AMBRA1: variants seen among roughly 807,000 people sequenced by gnomAD.
AMBRA1 encodes the protein autophagy and beclin 1 regulator 1.
In AMBRA1, 47 loss-of-function variants were observed where a neutral mutation model predicts 125.4. The observed-to-expected ratio is 0.37, with a 90% CI of 0.30 to 0.48. AMBRA1 has a LOEUF of 0.48. Ranked by LOEUF, AMBRA1 falls within the 20% of genes least tolerant of loss-of-function variation. The probability of loss-of-function intolerance (pLI) is 0.99; values close to 1 mark genes in which losing one functional copy is unlikely to be tolerated. For missense variants in AMBRA1, 1,331 were observed against 1,693.4 expected, an observed-to-expected ratio of 0.79 and a Z score of 3.76; for synonymous variants, 626 against 655.5, an observed-to-expected ratio of 0.95 and a Z score of 0.69.
intron 1 of AMBRA1, among the ~76,000 whole-genome samples, chr11:46,583,652 C>CAAAA (rs1398623719): frequency 7.2e-4 from 9 of 12,560 alleles, no homozygotes; most frequent in South Asian, 8.1e-3. Context: ...AACAAATTTC[C>CAAAA]AAAAAAAAAA....
chr11:46,447,512 G>C (rs1433449537), intron 11 of AMBRA1, among the ~76,000 whole-genome samples: 5 of 152,066 alleles, frequency 3.3e-5, no homozygotes, highest in Non-Finnish European at 7.4e-5. Flanking sequence ...TGCAGCCTGG[G>C]CAACAGAGCA....
intron 14 of AMBRA1, among the ~76,000 whole-genome samples, chr11:46,431,593 A>G (rs1401046102): frequency 6.6e-6 from 1 of 152,210 alleles, no homozygotes; most frequent in African/African-American, 2.4e-5. Context: ...CTGGCTTATG[A>G]AAGAAGCTAG....
intron 1 of AMBRA1, among the ~76,000 whole-genome samples, chr11:46,549,353 G>A (rs1008420050): frequency 6.6e-6 from 1 of 152,086 alleles, no homozygotes; most frequent in Non-Finnish European, 1.5e-5. Flanking sequence ...AAAAATATAG[G>A]AAAGTTGAAA....
At chr11:46,569,927 C>T (rs1265017492) in intron 1 of AMBRA1, among the ~76,000 whole-genome samples, 1 of 152,088 alleles carries the variant, frequency 6.6e-6, no homozygotes, top group Non-Finnish European at 1.5e-5. Flanking sequence ...CACCACTGCA[C>T]TCCAGCCTGG....
intron 6 of AMBRA1, 55 bp downstream of exon 6, chr11:46,543,920 A>T: frequency 7.4e-7 from 1 of 1,343,548 alleles, no homozygotes; most frequent in Non-Finnish European, 1.1e-6. Flanking sequence ...TTGGAATACT[A>T]GTTAAGAAAA....
chr11:46,454,136 T>A (rs1257825526), intron 11 of AMBRA1, among the ~76,000 whole-genome samples: 1 of 152,074 alleles, frequency 6.6e-6, no homozygotes, highest in East Asian at 1.9e-4. Context: ...ACAAGAAAAG[T>A]AGCAAGGCCT....
intron 11 of AMBRA1, among the ~76,000 whole-genome samples, chr11:46,490,737 C>T (rs1950430989): frequency 6.6e-6 from 1 of 152,158 alleles, no homozygotes; most frequent in Non-Finnish European, 1.5e-5. Context: ...TGGAGTAAGA[C>T]TGAGTCATGG....
In AMBRA1 at chr11:46,544,033, C is replaced by T; in HGVS notation, c.560G>A (p.Arg187Lys). Residue 187 changes from arginine (R) to lysine (K), a missense_variant, in exon 6 of 18, where the codon AGA becomes AAA. By Grantham distance (26) the Arg-to-Lys change is conservative. This residue lies in a region of AMBRA1 where 144 missense variants were observed against 250.4 expected (regional missense o/e 0.58). Coordinates refer to ENST00000683756, the MANE Select transcript of AMBRA1 (RefSeq NM_001387011.1). ...ASEMERVRLV[R>K]FDPLGHYLLT... Reference sequence around the variant, plus strand: ...TAAGTAGTGTCCAAGTGGATCAAATCTCACCAGACTAAAATCACAGAAGAA... The same window carrying T: ...TAAGTAGTGTCCAAGTGGATCAAATTTCACCAGACTAAAATCACAGAAGAA... The T allele has an allele frequency of 6.2e-7, 1 of 1,613,648 alleles. No individual in the cohort carries two copies. The highest frequency in any genetic ancestry group is 8.5e-7 in the Non-Finnish European group (1 of 1,179,690).
At chr11:46,400,639 C>T (rs1371757398) in intron 17 of AMBRA1, among the ~76,000 whole-genome samples, 1 of 151,646 alleles carries the variant, frequency 6.6e-6, no homozygotes, top group Non-Finnish European at 1.5e-5. Flanking sequence ...TACAGGCAAG[C>T]ACCACTCCTG....
intron 7 of AMBRA1, among the ~76,000 whole-genome samples, chr11:46,529,574 C>T (rs951767291): frequency 3.3e-5 from 5 of 152,170 alleles, no homozygotes; most frequent in Non-Finnish European, 7.3e-5. Flanking sequence ...TGGCCAAGTA[C>T]ACAAAATTGG....
At chr11:46,462,455 T>C (rs1949139644) in intron 11 of AMBRA1, among the ~76,000 whole-genome samples, 1 of 152,226 alleles carries the variant, frequency 6.6e-6, no homozygotes, top group Non-Finnish European at 1.5e-5. Context: ...TTTTTGATTG[T>C]CACTTACCTG....
In AMBRA1 at chr11:46,434,886, G is replaced by A. The variant is rs1313369060; in HGVS notation, c.2784C>T (p.Pro928=). ...EGILAVYSLA[P]HNLGEMLYTK... ...TGTAGAGCATTTCGCCCAGGTTATG[G>A]GGGGCCAGGGAGTACACTGCCAGGA... Residue 928 remains proline (P), a synonymous_variant, in exon 13 of 18, where the codon CCC becomes CCT. Transcript: ENST00000683756. 5.0e-6 allele frequency: 8 copies of A among 1,612,494 alleles called. No homozygotes were observed. In the Admixed American group the frequency reaches 1.0e-4, roughly 20 times the overall value.
intron 14 of AMBRA1, among the ~76,000 whole-genome samples, chr11:46,424,231 GGCAAACA>G (rs1201152363): frequency 6.6e-6 from 1 of 151,766 alleles, no homozygotes; most frequent in African/African-American, 2.4e-5. Context: ...AGAAAAAAAG[GGCAAACA>G]GCAAACAGCC....
chr11:46,397,545 G>C lies in AMBRA1; in HGVS notation c.3802C>G (p.Leu1268Val). 1.9e-6 allele frequency: 3 copies of C among 1,559,052 alleles called. No homozygotes were observed. The highest frequency in any genetic ancestry group is 2.6e-6 in the Non-Finnish European group (3 of 1,150,194). ...VSLPSAEGPT[L>V]HCELTNNNHL... ...TTGTTATTGGTCAACTCGCAGTGGA[G>C]GGTTGGTCCCTCAGCGCTGGGAAGG... Residue 1268 changes from leucine to valine, a missense_variant, in exon 18 of 18, where the codon CTC becomes GTC. Physicochemically the swap from Leu to Val is conservative, Grantham distance 32. Coordinates refer to ENST00000683756, the MANE Select transcript of AMBRA1 (RefSeq NM_001387011.1).
intron 9 of AMBRA1, among the ~76,000 whole-genome samples, chr11:46,507,675 G>GGGGGTA: frequency 6.6e-6 from 1 of 152,134 alleles, no homozygotes; most frequent in East Asian, 1.9e-4. Flanking sequence ...TAAGAGTAGG[G>GGGGGTA]AGACCAAAAA....
intron 11 of AMBRA1, chr11:46,451,808 C>G (rs909893086): frequency 1.3e-5 from 2 of 148,358 alleles, no homozygotes; most frequent in African/African-American, 2.5e-5. Flanking sequence ...GTTATATGAA[C>G]CTGCCCTGGG....
intron 15 of AMBRA1, 75 bp from the exon 16 acceptor site, chr11:46,410,443 C>T (rs1946231768): frequency 7.4e-7 from 1 of 1,351,640 alleles, no homozygotes; most frequent in Admixed American, 1.7e-5. Context: ...TCCTGAAACT[C>T]CTGGCTTTGT....
chr11:46,457,518 G>A (rs2136819546), intron 11 of AMBRA1, among the ~76,000 whole-genome samples: 1 of 152,370 alleles, frequency 6.6e-6, no homozygotes, highest in East Asian at 1.9e-4. Context: ...GCATCTGGCT[G>A]ACTTGGTTAC....
intron 1 of AMBRA1, among the ~76,000 whole-genome samples, chr11:46,582,530 C>G (rs2044213559): frequency 6.6e-6 from 1 of 152,184 alleles, no homozygotes; most frequent in South Asian, 2.1e-4. Context: ...TCTAGTCTCA[C>G]TATATTGACC....
Sources: allele counts gnomAD v4.1 joint callset (sites outside exome capture counted in the v4.1 genomes callset), GRCh38; gene constraint gnomAD v4.1.1; regional missense constraint gnomAD v4.1.1; transcripts MANE v1.5; gene names NCBI Gene and HGNC (gene_info 2026-07-23, HGNC 2026-07-21).